KLRG1: variants seen among roughly 807,000 people sequenced by gnomAD.
KLRG1 encodes killer cell lectin like receptor G1, also known as killer cell lectin-like receptor subfamily G member 1.
KLRG1 carries 16 observed loss-of-function variants against 21.8 expected under a neutral mutation model. That is an observed-to-expected ratio of 0.73 (90% CI 0.50 to 1.11). The LOEUF is 1.11. Among genes scored for constraint, KLRG1 ranks in the 50% most tolerant of loss-of-function variants. The probability of loss-of-function intolerance (pLI) is 0.00; values close to 1 mark genes in which losing one functional copy is unlikely to be tolerated. For synonymous variants in KLRG1, 69 were observed against 75.9 expected, an observed-to-expected ratio of 0.91 and a Z score of 0.47; for missense variants, 173 against 218.3, an observed-to-expected ratio of 0.79 and a Z score of 1.31.
the KLRG1 span, among the ~76,000 whole-genome samples, chr12:9,121,530 C>A: frequency 6.6e-6 from 1 of 152,056 alleles, no homozygotes; most frequent in Non-Finnish European, 1.5e-5. The surrounding 1 kb of genome is among the most constrained non-coding windows in gnomAD (Gnocchi z 4.4). Flanking sequence ...ACAGAGCGAG[C>A]CTCTGTCTCG....
chr12:9,124,890 G>T, the KLRG1 span, among the ~76,000 whole-genome samples: 18 of 152,218 alleles, frequency 1.2e-4, 1 homozygote, highest in Admixed American at 1.2e-3. Context: ...TCAGTCCCTA[G>T]GACTTGTGGT....
chr12:9,069,540 C>T, the KLRG1 span, among the ~76,000 whole-genome samples: 1 of 152,056 alleles, frequency 6.6e-6, no homozygotes, highest in Non-Finnish European at 1.5e-5. Flanking sequence ...ATATTCATAT[C>T]CCAAGATCAT....
the KLRG1 span, chr12:9,077,423 G>A: frequency 1.2e-6 from 2 of 1,611,170 alleles, no homozygotes; most frequent in Non-Finnish European, 1.7e-6. Flanking sequence ...ACTCCTCCCT[G>A]TGAATACGAG....
the KLRG1 span, chr12:9,093,581 T>C: frequency 8.8e-7 from 1 of 1,131,956 alleles, no homozygotes; most frequent in Non-Finnish European, 1.2e-6. Context: ...CATCTGACTC[T>C]ATGGTGAGTG....
At chr12:9,156,820 T>C in the KLRG1 span, among the ~76,000 whole-genome samples, 6 of 152,218 alleles carry the variant, frequency 3.9e-5, no homozygotes, top group Non-Finnish European at 8.8e-5. Flanking sequence ...TTTTGTAGAA[T>C]CAGTGTAAAT....
chr12:9,124,885 C>A, the KLRG1 span, among the ~76,000 whole-genome samples: 1 of 152,220 alleles, frequency 6.6e-6, no homozygotes. Flanking sequence ...GGCAGTCAGT[C>A]CCTAGGACTT....
chr12:9,202,196 G>T, the KLRG1 span: 1 of 867,682 alleles, frequency 1.2e-6, no homozygotes, highest in Non-Finnish European at 1.8e-6. Context: ...CTGTGCTGAG[G>T]CTGGAGCCAA....
chr12:9,118,049 C>T, the KLRG1 span, among the ~76,000 whole-genome samples: 1 of 151,982 alleles, frequency 6.6e-6, no homozygotes, highest in African/African-American at 2.4e-5. Context: ...TAACATCATG[C>T]CCTGTGAGTC....
At chr12:9,048,457 T>C in the KLRG1 span, among the ~76,000 whole-genome samples, 1 of 152,052 alleles carries the variant, frequency 6.6e-6, no homozygotes, top group Non-Finnish European at 1.5e-5. Flanking sequence ...AATCCAAAAA[T>C]CCTCAACAAA....
intron 1 of KLRG1, chr12:8,971,192 A>C (rs1295764279): frequency 6.6e-6 from 1 of 151,902 alleles, no homozygotes; most frequent in Non-Finnish European, 1.5e-5. Context: ...ATAGTATGCT[A>C]TTGAAGTCAC....
intron 1 of KLRG1, among the ~76,000 whole-genome samples, chr12:8,974,370 T>G (rs894591227): frequency 1.3e-5 from 2 of 152,110 alleles, no homozygotes; most frequent in Non-Finnish European, 2.9e-5. Context: ...GGTTTCACCG[T>G]GTTAGCCAGG....
the KLRG1 span, chr12:9,106,688 TGTG>T: frequency 1.5e-6 from 1 of 656,020 alleles, no homozygotes; most frequent in South Asian, 2.3e-5. Context: ...GTGTGATTTT[TGTG>T]GGGGGACAAC....
the KLRG1 span, among the ~76,000 whole-genome samples, chr12:9,094,358 T>TATATATATATATATAC: frequency 6.9e-6 from 1 of 143,988 alleles, no homozygotes; most frequent in South Asian, 2.2e-4. Context: ...TATATATATA[T>TATATATATATATATAC]ATATATATAT....
At chr12:9,015,507 T>C (rs1455555956), downstream of KLRG1, among the ~76,000 whole-genome samples, 4 of 152,136 alleles carry the variant, frequency 2.6e-5, no homozygotes, top group Non-Finnish European at 2.9e-5. Flanking sequence ...CACCCAGATA[T>C]ATAAAGCAAA....
the KLRG1 span, chr12:9,157,431 G>T: frequency 1.5e-6 from 2 of 1,355,854 alleles, no homozygotes; most frequent in Non-Finnish European, 2.0e-6. Flanking sequence ...GATATTGACA[G>T]TCAGATGTTA....
At chr12:9,173,625 A>C in the KLRG1 span, among the ~76,000 whole-genome samples, 1 of 152,192 alleles carries the variant, frequency 6.6e-6, no homozygotes, top group African/African-American at 2.4e-5. Flanking sequence ...AAGTAGACAC[A>C]ATCAGAAATG....
chr12:9,087,102 C>T, the KLRG1 span, among the ~76,000 whole-genome samples: 11 of 151,418 alleles, frequency 7.3e-5, no homozygotes, highest in African/African-American at 2.7e-4. Flanking sequence ...AATTATAAAA[C>T]ACTGATGAAA....
chr12:9,044,236 C>T, the KLRG1 span, among the ~76,000 whole-genome samples: 14 of 151,872 alleles, frequency 9.2e-5, no homozygotes, highest in East Asian at 1.9e-4. Context: ...AAAAAAGAAA[C>T]GCATGCAAAT....
At chr12:9,168,314 GAA>G in the KLRG1 span, 1 of 152,204 alleles carries the variant, frequency 6.6e-6, no homozygotes. Context: ...ATATTTTGGA[GAA>G]AAAGGGAGTT....
Sources: gnomAD v4.1 joint callset for allele counts (sites outside exome capture counted in the v4.1 genomes callset) on GRCh38, gnomAD v4.1.1 for gene constraint, Gnocchi (gnomAD v3.1) non-coding constraint, MANE v1.5 for transcripts, NCBI Gene and HGNC (gene_info 2026-07-23, HGNC 2026-07-21) for gene names.